NUP85: variants seen among roughly 807,000 people sequenced by gnomAD.
NUP85 encodes nucleoporin 85.
A neutral mutation model predicts 92.8 loss-of-function variants in NUP85; 23 were observed. That is an observed-to-expected ratio of 0.25 (90% CI 0.18 to 0.35). The LOEUF is 0.35. NUP85 is among the 10% of genes least tolerant of loss of function. The probability of loss-of-function intolerance (pLI) is 1.00; values close to 1 mark genes in which losing one functional copy is unlikely to be tolerated. For missense variants in NUP85, 759 were observed against 822.8 expected, an observed-to-expected ratio of 0.92 and a Z score of 0.95; for synonymous variants, 314 against 306.9, an observed-to-expected ratio of 1.02 and a Z score of -0.24.
rs1461499438 is a variant in NUP85, at chr17:75,220,186, G to A, written c.597+1880G>A. Among the ~76,000 whole-genome samples, 5 of 151,916 alleles carry A rather than the reference G, an allele frequency of 3.3e-5. No homozygotes were observed. The East Asian group carries it at 5.8e-4, about 18-fold the overall frequency. On this transcript the variant is annotated intron_variant, in intron 7 of 18. Transcript: ENST00000245544. ...GTCACCTAGGCTGGAGTGCAGTGGCGCCATCTCAGCTCACTGCGACCTCTG... is the reference window on the plus strand; with the variant it reads ...GTCACCTAGGCTGGAGTGCAGTGGCACCATCTCAGCTCACTGCGACCTCTG...
In NUP85 at chr17:75,205,896, C is replaced by T. The variant is rs141022296; in HGVS notation, c.33+102C>T. 427 of 1,348,452 alleles carry T rather than the reference C, an allele frequency of 3.2e-4. 1 individual carries two copies. Among genetic ancestry groups the T allele is most frequent in the Admixed American group, 7.1e-4 (39 of 54,906 alleles). 83.5% of individuals were successfully genotyped at this position (1,348,452 alleles called of 1,614,324 possible). On this transcript the variant is annotated intron_variant, in intron 1 of 18. Coordinates refer to ENST00000245544, the MANE Select transcript of NUP85 (RefSeq NM_024844.5). ...GCTTCCCTAGTGGTCGCGAGGCGCT[C>T]GTCCCCTTCCCTCGACTCAGTTGCC...
intron 2 of NUP85, among the ~76,000 whole-genome samples, chr17:75,209,445 CTTTTTT>C (rs71159453): frequency 2.8e-5 from 3 of 106,438 alleles, no homozygotes. Flanking sequence ...GATTTGCTTT[CTTTTTT>C]TTTTTTTTTT....
At chr17:75,206,152 C>T (rs1008801521) in intron 1 of NUP85, among the ~76,000 whole-genome samples, 2 of 152,160 alleles carry the variant, frequency 1.3e-5, no homozygotes, top group Non-Finnish European at 2.9e-5. Context: ...AGCTCTGCAT[C>T]GCGGCACATT....
intron 4 of NUP85, among the ~76,000 whole-genome samples, 170 bp from the exon 5 acceptor site, chr17:75,212,906 A>G (rs780758774): frequency 3.9e-5 from 6 of 152,150 alleles, no homozygotes; most frequent in Non-Finnish European, 2.9e-5. Context: ...TTGAAGGGAT[A>G]TGAAGCATTA....
intron 4 of NUP85, 130 bp downstream of exon 4, chr17:75,212,192 C>A: frequency 3.3e-6 from 1 of 299,822 alleles, no homozygotes; most frequent in Non-Finnish European, 5.9e-6. Flanking sequence ...ATTTTTCCAT[C>A]TTTCATAATC....
Position 75,231,177 on chromosome 17 carries a change from C to A in NUP85, c.1095-163C>A. ...TTCCTGGACTCAGGTGATCTGCCTG[C>A]CTTGGCCTCCCAAAGTACTGGGATC... On this transcript the variant is annotated intron_variant, in intron 11 of 18. Transcript: ENST00000245544. This position sits in a 1 kb window ranked among gnomAD's most constrained non-coding sequence, Gnocchi z 4.6. The A allele has an allele frequency of 1.5e-6, 1 of 686,372 alleles. No individual in the cohort carries two copies. Among genetic ancestry groups the A allele is most frequent in the Non-Finnish European group, 2.6e-6 (1 of 390,672 alleles). 42.5% of individuals were successfully genotyped at this position (686,372 alleles called of 1,614,324 possible). A position where few individuals can be genotyped will look rare whatever the true frequency, so the allele number is the denominator to read the frequency against.
chr17:75,234,600 A>G, intron 16 of NUP85, 37 bp from the exon 17 acceptor site: 1 of 1,607,622 alleles, frequency 6.2e-7, no homozygotes, highest in Non-Finnish European at 8.5e-7. Context: ...AATTTGGGGG[A>G]ATATGCAGGT....
chr17:75,205,914 C>T (rs1288559733), intron 1 of NUP85, 120 bp downstream of exon 1: 1 of 1,160,154 alleles, frequency 8.6e-7, no homozygotes, highest in Non-Finnish European at 1.3e-6. Flanking sequence ...TCCCTCGACT[C>T]AGTTGCCACT....
At chr17:75,225,275 G>C in intron 8 of NUP85, 38 bp downstream of exon 8, 2 of 1,609,418 alleles carry the variant, frequency 1.2e-6, no homozygotes, top group South Asian at 1.1e-5. Flanking sequence ...GGTCACAGGA[G>C]ATGCGTGATT....
At chr17:75,233,825 C>G (rs2145431635) in intron 16 of NUP85, among the ~76,000 whole-genome samples, 1 of 151,526 alleles carries the variant, frequency 6.6e-6, no homozygotes, top group South Asian at 2.1e-4. Flanking sequence ...GTCTTGATCT[C>G]CTGACCTTGT....
At chr17:75,233,783 A>G (rs1474776916) in intron 16 of NUP85, among the ~76,000 whole-genome samples, 2 of 151,876 alleles carry the variant, frequency 1.3e-5, no homozygotes, top group Non-Finnish European at 1.5e-5. Context: ...TATTTTTAGT[A>G]GAGATGGGGT....
chr17:75,229,049 G>A (rs1274592156), intron 11 of NUP85: 6 of 985,362 alleles, frequency 6.1e-6, no homozygotes, highest in East Asian at 1.1e-4. Context: ...GGAAACAGCT[G>A]GGGTGCACTT....
chr17:75,231,618 G>A lies in NUP85; in HGVS notation c.1224G>A (p.Ser408=), dbSNP rs1362146935. 2.0e-5 allele frequency: 33 copies of A among 1,614,042 alleles called. No homozygotes were observed. Among genetic ancestry groups the A allele is most frequent in the East Asian group, 4.5e-5 (2 of 44,896 alleles). The change falls in exon 13 of 19, where the codon TCG becomes TCA. Residue 408 remains serine, a synonymous_variant. Coordinates refer to ENST00000245544, the MANE Select transcript of NUP85 (RefSeq NM_024844.5). This position sits in a 1 kb window ranked among gnomAD's most constrained non-coding sequence, Gnocchi z 4.6. ...MREFLLLEYA[S]GLFAHPSLWQ... ...AGTTCCTCCTGCTGGAGTACGCCTC[G>A]GGACTGTTTGCTCATCCCAGGTAGG...
At position 75,234,703 on chromosome 17, in the gene NUP85, T is replaced by A. The variant is rs1355620742; in HGVS notation, c.1682T>A (p.Leu561Gln). The change falls in exon 17 of 19, where the codon CTG becomes CAG. Residue 561 changes from leucine (L) to glutamine (Q), a missense_variant. Physicochemically the swap from Leu to Gln is moderately radical, Grantham distance 113 (BLOSUM62 -2). Transcript: ENST00000245544. ...KRFADAASLL[L>Q]SLMTSRIAPR... ...TTTGCCGACGCAGCTTCTCTCCTTC[T>A]GTCCTTGATGACGTCTCGGATTGCC... 1.9e-6 allele frequency: 3 copies of A among 1,614,230 alleles called. No homozygotes were observed. Among genetic ancestry groups the A allele is most frequent in the Non-Finnish European group, 2.5e-6 (3 of 1,180,030 alleles).
At chr17:75,227,543 C>T (rs1798466776) in intron 11 of NUP85, among the ~76,000 whole-genome samples, 6 of 151,898 alleles carry the variant, frequency 4.0e-5, no homozygotes, top group Admixed American at 3.9e-4. Context: ...CACCATGTTG[C>T]CTAGGCAGGC....
At position 75,232,972 on chromosome 17, in the gene NUP85, G is replaced by A. The variant is rs774391267; in HGVS notation, c.1514+4G>A. On this transcript the variant is annotated splice_donor_region_variant and intron_variant, in intron 15 of 18. Coordinates refer to ENST00000245544, the MANE Select transcript of NUP85 (RefSeq NM_024844.5). ...TTGCCACGCTCGTGTCAGACAGGTG[G>A]GTGCCGCTAGTGTTGGCTTCCCAGG... 6.8e-6 allele frequency: 11 copies of A among 1,613,944 alleles called. No homozygotes were observed. The Admixed American group carries it at 1.8e-4, about 27-fold the overall frequency.
intron 4 of NUP85, 108 bp downstream of exon 4, chr17:75,212,170 A>G (rs1444976126): frequency 8.1e-6 from 5 of 619,672 alleles, no homozygotes; most frequent in Admixed American, 6.6e-5. Flanking sequence ...TTGATATTCC[A>G]GTCCAAAACT....
chr17:75,212,516 T>C (rs917273911), intron 4 of NUP85, among the ~76,000 whole-genome samples: 2 of 137,928 alleles, frequency 1.5e-5, no homozygotes, highest in Non-Finnish European at 3.0e-5. Flanking sequence ...TTGCCCAGGC[T>C]GGAGTGCAAA....
chr17:75,218,113 G>C (rs1177215190), intron 6 of NUP85, 72 bp from the exon 7 acceptor site: 4 of 1,603,760 alleles, frequency 2.5e-6, no homozygotes, highest in Admixed American at 3.4e-5. Context: ...AAAGTTCTCT[G>C]TTCCTTGGAT....
Sources: allele counts gnomAD v4.1 joint callset (sites outside exome capture counted in the v4.1 genomes callset), GRCh38; gene constraint gnomAD v4.1.1; non-coding constraint Gnocchi (gnomAD v3.1); transcripts MANE v1.5; gene names NCBI Gene and HGNC (gene_info 2026-07-23, HGNC 2026-07-21).